The following H2BC5 variants were observed in gnomAD, a reference collection of about 807,000 sequenced individuals.
H2BC5 encodes histone H2B type 1-D.
A neutral mutation model predicts 5.7 loss-of-function variants in H2BC5; 9 were observed. That is an observed-to-expected ratio of 1.57 (90% confidence interval 0.95 to 2.74). The LOEUF (loss-of-function observed/expected upper bound fraction) is 2.74, where lower values mean the gene tolerates loss of function less well. H2BC5 is among the 30% of genes most tolerant of loss of function. The pLI is 0.00. For synonymous variants in H2BC5, 133 were observed against 70.9 expected (o/e 1.88, Z -4.40); for missense variants, 175 against 168.8 (o/e 1.04, Z -0.20).
chr6:26,159,243 G>GTTTTTTTTTTTTTTTTTTTTTT (rs35999697), downstream of H2BC5, among the ~76,000 whole-genome samples: 1 of 61,402 alleles, frequency 1.6e-5, no homozygotes, highest in Non-Finnish European at 3.1e-5. Context: ...TAATTTATAG[G>GTTTTTTTTTTTTTTTTTTTTTT]TTTTTTTTTT....
In H2BC5 at chr6:26,158,195, C is replaced by T. The variant is rs116484757; in HGVS notation, c.26C>T (p.Pro9Leu). 5 of 1,614,216 alleles carry T rather than the reference C, an allele frequency of 3.1e-6. No homozygotes were observed. In the East Asian group the frequency reaches 6.7e-5, roughly 22 times the overall value. The change falls in exon 1 of 1, where the codon CCT becomes CTT. Residue 9 changes from proline to leucine, a missense_variant. This residue lies in a region of H2BC5 where 119 missense variants were observed against 85.6 expected (regional missense o/e 1.39). Coordinates refer to ENST00000377777, the MANE Select transcript of H2BC5 (RefSeq NM_021063.4). The stretch of plus-strand genomic sequence containing the variant: ...ATGCCTGAACCTACCAAGTCTGCTC[C>T]TGCCCCAAAGAAGGGCTCCAAGAAG... MPEPTKSA[P>L]APKKGSKKAV...
At chr6:26,166,054 A>G (rs1764418304) in intron 1 of H2BC5, among the ~76,000 whole-genome samples, 1 of 151,724 alleles carries the variant, frequency 6.6e-6, no homozygotes, top group African/African-American at 2.4e-5. Context: ...CTCCTTGTTC[A>G]CTCTCAGTGG....
intron 1 of H2BC5, among the ~76,000 whole-genome samples, chr6:26,168,938 T>C (rs1296572653): frequency 6.6e-6 from 1 of 152,116 alleles, no homozygotes; most frequent in Admixed American, 6.6e-5. Flanking sequence ...GAGAAACAGA[T>C]TGGGCCTTTT....
At chr6:26,159,814 G>A (rs1259148867), downstream of H2BC5, among the ~76,000 whole-genome samples, 2 of 152,232 alleles carry the variant, frequency 1.3e-5, no homozygotes, top group Admixed American at 6.5e-5. Flanking sequence ...GTACTTGGAC[G>A]GATAAATAAA....
In H2BC5 at chr6:26,158,149, G is replaced by T; in HGVS notation, c.-21G>T. On this transcript the variant is annotated 5_prime_UTR_variant, in exon 1 of 1. Transcript: ENST00000377777. ...TATTTTCTCAGGTGTTTGCAACAGT[G>T]TTCTAACTATTAACGCTACGATGCC... 1.9e-6 allele frequency: 3 copies of T among 1,607,378 alleles called. No homozygotes were observed. The highest frequency in any genetic ancestry group is 2.5e-6 in the Non-Finnish European group (3 of 1,177,384).
chr6:26,169,857 C>T (rs992676992), intron 1 of H2BC5, among the ~76,000 whole-genome samples: 2 of 151,146 alleles, frequency 1.3e-5, no homozygotes, highest in Non-Finnish European at 2.9e-5. Context: ...GCCAAGAGGG[C>T]GTCACTGCAC....
At chr6:26,168,129 C>G (rs1764461869) in intron 1 of H2BC5, among the ~76,000 whole-genome samples, 2 of 151,758 alleles carry the variant, frequency 1.3e-5, no homozygotes, top group Admixed American at 6.6e-5. Context: ...GGTAATTATG[C>G]TTTCCTTTTC....
At chr6:26,170,124 G>A (rs1354501017) in intron 1 of H2BC5, among the ~76,000 whole-genome samples, 1 of 152,136 alleles carries the variant, frequency 6.6e-6, no homozygotes, top group Non-Finnish European at 1.5e-5. Context: ...TAAGTGGATT[G>A]ATGAAAATGT....
downstream of H2BC5, chr6:26,161,112 G>T (rs1764345303): frequency 6.6e-6 from 1 of 152,214 alleles, no homozygotes; most frequent in African/African-American, 2.4e-5. Flanking sequence ...GGAGGCTGAG[G>T]CAGGAGAATC....
At chr6:26,164,949 C>G (rs1006755243) in intron 1 of H2BC5, among the ~76,000 whole-genome samples, 1 of 152,070 alleles carries the variant, frequency 6.6e-6, no homozygotes, top group African/African-American at 2.4e-5. Context: ...AGATTCTAGC[C>G]TCTCCTCACT....
At chr6:26,168,383 G>A (rs1249931626) in intron 1 of H2BC5, among the ~76,000 whole-genome samples, 3 of 151,776 alleles carry the variant, frequency 2.0e-5, no homozygotes, top group Admixed American at 1.3e-4. Context: ...GCTTGAACCC[G>A]GGAGGCAGAG....
Position 26,158,201 on chromosome 6 carries a change from C to T in H2BC5, c.32C>T (p.Pro11Leu), listed in dbSNP as rs1764267462. MPEPTKSAPA[P>L]KKGSKKAVTK... is the part of the protein sequence containing the mutation. ...GAACCTACCAAGTCTGCTCCTGCCC[C>T]AAAGAAGGGCTCCAAGAAGGCGGTG... Residue 11 changes from proline (P) to leucine (L), a missense_variant, in exon 1 of 1, where the codon CCA becomes CTA. Around this residue, in one of 4 missense-constraint regions of H2BC5, gnomAD observed 119 missense variants for 85.6 expected, o/e 1.39. Transcript: ENST00000377777. 7 of 1,614,034 alleles carry T rather than the reference C, an allele frequency of 4.3e-6. No homozygotes were observed. The highest frequency in any genetic ancestry group is 1.7e-5 in the Admixed American group (1 of 60,006).
At chr6:26,170,373 C>T (rs531686846) in intron 1 of H2BC5, among the ~76,000 whole-genome samples, 7 of 152,230 alleles carry the variant, frequency 4.6e-5, no homozygotes, top group African/African-American at 1.2e-4. Flanking sequence ...ACTCTCAAAA[C>T]GTATTTGCAG....
downstream of H2BC5, among the ~76,000 whole-genome samples, chr6:26,159,243 G>GTTTTTTTTTT (rs35999697): frequency 1.8e-4 from 11 of 61,402 alleles, no homozygotes; most frequent in African/African-American, 5.0e-4. Flanking sequence ...TAATTTATAG[G>GTTTTTTTTTT]TTTTTTTTTT....
intron 1 of H2BC5, among the ~76,000 whole-genome samples, chr6:26,166,247 G>T (rs1393186261): frequency 6.6e-6 from 1 of 152,154 alleles, no homozygotes; most frequent in Admixed American, 6.5e-5. Context: ...GCCCTTCCTT[G>T]CCTTTGACCT....
chr6:26,167,049 C>CTTTTTTTTTTTT (rs149341201), intron 1 of H2BC5, among the ~76,000 whole-genome samples: 79 of 97,022 alleles, frequency 8.1e-4, no homozygotes, highest in Middle Eastern at 9.3e-3. Flanking sequence ...TTTGTTTTCT[C>CTTTTTTTTTTTT]TTTTTTTTTT....
At chr6:26,158,741 G>A (rs1764287073), downstream of H2BC5, 2 of 957,786 alleles carry the variant, frequency 2.1e-6, no homozygotes, top group Non-Finnish European at 3.1e-6. Context: ...ATAACAATAG[G>A]TACTAGAAAT....
At chr6:26,164,317 C>T in intron 1 of H2BC5, 1 of 242,926 alleles carries the variant, frequency 4.1e-6, no homozygotes. Context: ...AGCACTCAGA[C>T]ACACAGATTT....
At chr6:26,163,075 CATG>C (rs919005465), downstream of H2BC5, among the ~76,000 whole-genome samples, 1 of 151,656 alleles carries the variant, frequency 6.6e-6, no homozygotes, top group Non-Finnish European at 1.5e-5. Flanking sequence ...TAATATTTTT[CATG>C]ATTTTTTTCC....
Sources: allele counts gnomAD v4.1 joint callset (sites outside exome capture counted in the v4.1 genomes callset), GRCh38; gene constraint gnomAD v4.1.1; regional missense constraint gnomAD v4.1.1; transcripts MANE v1.5; gene names NCBI Gene and HGNC (gene_info 2026-07-23, HGNC 2026-07-21).